Variants in ZNF500 observed in about 807,000 individuals in gnomAD.
ZNF500 encodes zinc finger protein 500, also known as zinc finger protein with KRAB and SCAN domains 18.
ZNF500 carries 31 observed loss-of-function variants against 30.1 expected under a neutral mutation model. That is an observed-to-expected ratio of 1.03 (90% CI 0.77 to 1.39). ZNF500 has a LOEUF of 1.39. Ranked by LOEUF, ZNF500 falls within the 40% of genes most tolerant of loss-of-function variation. The probability of loss-of-function intolerance (pLI) is 0.00; values close to 1 mark genes in which losing one functional copy is unlikely to be tolerated. For synonymous variants in ZNF500, 392 were observed against 282.0 expected (o/e 1.39, Z -3.91); for missense variants, 817 against 657.8 (o/e 1.24, Z -2.65).
At chr16:4,755,276 G>A (rs578248098) in intron 5 of ZNF500, among the ~76,000 whole-genome samples, 14 of 151,888 alleles carry the variant, frequency 9.2e-5, no homozygotes, top group Non-Finnish European at 2.1e-4. Flanking sequence ...ATATAGGCGT[G>A]AGCCACAGCA....
intron 2 of ZNF500, chr16:4,763,744 G>A: frequency 1.0e-6 from 1 of 985,352 alleles, no homozygotes; most frequent in Non-Finnish European, 1.2e-6. Context: ...CACTGAAGCT[G>A]TGGTGGCCAG....
At position 4,749,040 on chromosome 16, in the gene ZNF500, A is replaced by G. The variant is rs2290560; in HGVS notation, c.*3336T>C. ...GGACCCCCACCCGACCCCACTCCCA[A>G]TGATGAGGGGCATTTTCATTGCAAG... On this transcript the variant is annotated 3_prime_UTR_variant, in exon 6 of 6. Coordinates refer to ENST00000219478, the MANE Select transcript of ZNF500 (RefSeq NM_021646.4). 0.58 allele frequency: 88,760 copies of G among 152,304 alleles called. 26,267 individuals are homozygous for G. The highest frequency in any genetic ancestry group is 0.68 in the East Asian group (3,504 of 5,178). The allele number at this position is 152,304 out of a possible 1,614,324, so 9.4% of individuals were successfully genotyped here.
At chr16:4,760,397 G>A in intron 5 of ZNF500, 95 bp downstream of exon 5, 1 of 1,209,328 alleles carries the variant, frequency 8.3e-7, no homozygotes, top group Non-Finnish European at 1.2e-6. Flanking sequence ...ATCGCCCCAG[G>A]CCAACTGGAC....
downstream of ZNF500, chr16:4,747,584 G>A (rs775341138): frequency 1.3e-5 from 21 of 1,610,668 alleles, no homozygotes; most frequent in Non-Finnish European, 1.7e-6. Context: ...TGAGCCAGGG[G>A]CAGCCAGGGA....
chr16:4,761,651 G>A (rs2082202315), intron 4 of ZNF500, among the ~76,000 whole-genome samples: 1 of 151,346 alleles, frequency 6.6e-6, no homozygotes, highest in African/African-American at 2.4e-5. Context: ...TTCAAGACCA[G>A]CCTAGGCAGC....
chr16:4,755,838 C>A (rs957970971), intron 5 of ZNF500, among the ~76,000 whole-genome samples: 1 of 152,162 alleles, frequency 6.6e-6, no homozygotes, highest in Non-Finnish European at 1.5e-5. Flanking sequence ...ATCAACAAAA[C>A]GTGGTCTATC....
downstream of ZNF500, chr16:4,747,180 C>T (rs984834177): frequency 3.2e-5 from 39 of 1,209,292 alleles, no homozygotes; most frequent in Middle Eastern, 2.9e-4. Flanking sequence ...ATCCTGCCCA[C>T]GTCCACTGGG....
Position 4,762,572 on chromosome 16 carries a change from CCT to C in ZNF500, c.597_598del (p.Gly200ProfsTer53), listed in dbSNP as rs1450789766. On this transcript the variant is annotated frameshift_variant and splice_region_variant, in exon 3 of 6. Coordinates refer to ENST00000219478, the MANE Select transcript of ZNF500 (RefSeq NM_021646.4). LOFTEE classifies it high-confidence loss of function. ...CATTCCTCCAAAGGGGTGCTACTCACCTCTCTCTGGCCACAACAGCGGGCCCC... is the reference window on the plus strand; with the variant it reads ...CATTCCTCCAAAGGGGTGCTACTCACCTCTCTGGCCACAACAGCGGGCCCC... 2.5e-6 allele frequency: 4 copies of C among 1,610,924 alleles called. No homozygotes were observed. Among genetic ancestry groups the C allele is most frequent in the Middle Eastern group, 3.3e-4 (2 of 5,998 alleles).
At chr16:4,763,763 C>A (rs2082233349) in intron 2 of ZNF500, 1 of 985,308 alleles carries the variant, frequency 1.0e-6, no homozygotes, top group African/African-American at 1.7e-5. Flanking sequence ...AGGAAAGAGG[C>A]TGGCCGGCTG....
chr16:4,762,229 G>T (rs770596932), intron 4 of ZNF500, 42 bp downstream of exon 4: 2 of 1,599,154 alleles, frequency 1.3e-6, no homozygotes, highest in Non-Finnish European at 1.7e-6. Context: ...AGGAGGTCGG[G>T]CCAGACCCCA....
rs1322196044 is a variant in ZNF500, at chr16:4,749,135, C to G, written c.*3241G>C. The G allele has an allele frequency of 6.5e-6, 1 of 153,262 alleles. No individual in the cohort carries two copies. Among genetic ancestry groups the G allele is most frequent in the Non-Finnish European group, 1.5e-5 (1 of 68,320 alleles). 9.5% of individuals were successfully genotyped at this position (153,262 alleles called of 1,614,324 possible). A position where few individuals can be genotyped will look rare whatever the true frequency, so the allele number is the denominator to read the frequency against. On this transcript the variant is annotated 3_prime_UTR_variant, in exon 6 of 6. Coordinates refer to ENST00000219478, the MANE Select transcript of ZNF500 (RefSeq NM_021646.4). ...TGTAGGGCACAAGGCCAGGCTGCCT[C>G]CCAGCCCCCAGGCCCTCTCCCACCT...
At position 4,752,637 on chromosome 16, in the gene ZNF500, G is replaced by A. The variant is rs1221485623; in HGVS notation, c.1182C>T (p.Ser394=). ...GTGTCCTGCGGTGGATGACCAGGCT[G>A]GAGCTCTGGCTGAAGCGCTTCCCAC... is the stretch of plus-strand genomic sequence containing the variant. ...PECGKRFSQS[S]SLVIHRRTHS... is the part of the protein sequence containing the mutation. Residue 394 remains serine, a synonymous_variant, in exon 6 of 6, where the codon TCC becomes TCT. Coordinates refer to ENST00000219478, the MANE Select transcript of ZNF500 (RefSeq NM_021646.4). 6.2e-7 allele frequency: 1 copy of A among 1,611,492 alleles called. No individual in the cohort carries two copies. Among genetic ancestry groups the A allele is most frequent in the South Asian group, 1.1e-5 (1 of 90,898 alleles).
chr16:4,761,005 G>A (rs1441336382), intron 4 of ZNF500, among the ~76,000 whole-genome samples: 1 of 152,124 alleles, frequency 6.6e-6, no homozygotes, highest in Non-Finnish European at 1.5e-5. Flanking sequence ...CCGGAAGCAT[G>A]ATTAAAAAAA....
chr16:4,756,499 A>AC (rs1167044098), intron 5 of ZNF500: 1 of 151,724 alleles, frequency 6.6e-6, no homozygotes, highest in African/African-American at 2.4e-5. Flanking sequence ...AGAAAAAAAA[A>AC]TGTTTTTGAG....
At chr16:4,747,656 G>A, downstream of ZNF500, 2 of 1,574,434 alleles carry the variant, frequency 1.3e-6, no homozygotes, top group East Asian at 2.3e-5. Context: ...CCAGGAGTGG[G>A]CAGGGGCGGG....
rs1001570757 is a variant in ZNF500, at chr16:4,751,964, T to C, written c.*412A>G. ...GTACACACAGAGACAGCGCACAGGG[T>C]CACAGACACACAGGAGAGGGGTTGG... On this transcript the variant is annotated 3_prime_UTR_variant, in exon 6 of 6. Coordinates refer to ENST00000219478, the MANE Select transcript of ZNF500 (RefSeq NM_021646.4). The C allele has an allele frequency of 6.4e-6, 5 of 775,852 alleles. No homozygotes were observed. The highest frequency in any genetic ancestry group is 4.0e-5 in the Admixed American group (1 of 25,190). 48.1% of individuals were successfully genotyped at this position (775,852 alleles called of 1,614,324 possible). A position where few individuals can be genotyped will look rare whatever the true frequency, so the allele number is the denominator to read the frequency against.
At position 4,750,067 on chromosome 16, in the gene ZNF500, AG is replaced by A. The variant is rs1237737730; in HGVS notation, c.*2308del. ...GGGCAGACCCCAACCACACTCCCCC[AG>A]AGGCCGCCACCTCCAGCACAGGCCT... On this transcript the variant is annotated 3_prime_UTR_variant, in exon 6 of 6. Transcript: ENST00000219478. 1 of 152,494 alleles carries A rather than the reference AG, an allele frequency of 6.6e-6. No individual in the cohort carries two copies. The highest frequency in any genetic ancestry group is 1.5e-5 in the Non-Finnish European group (1 of 68,302). 9.4% of individuals were successfully genotyped at this position (152,494 alleles called of 1,614,324 possible).
Position 4,752,708 on chromosome 16 carries a change from G to C in ZNF500, c.1111C>G (p.His371Asp). 2 of 1,614,204 alleles carry C rather than the reference G, an allele frequency of 1.2e-6. No individual in the cohort carries two copies. Among genetic ancestry groups the C allele is most frequent in the East Asian group, 4.5e-5 (2 of 44,886 alleles). The change falls in exon 6 of 6, where the codon CAC (histidine) becomes GAC (aspartate). Residue 371 changes from histidine to aspartate, a missense_variant. His to Asp is a moderately conservative substitution (Grantham distance 81). Transcript: ENST00000219478. ...TTCTCGCCTGTGTGCACCCTCTGGT[G>C]CGTGCTGAAGTTGGAGCGGTCGCTA... ...GFSDRSNFST[H>D]QRVHTGEKPY...
At chr16:4,756,128 T>G (rs982391291) in intron 5 of ZNF500, among the ~76,000 whole-genome samples, 3 of 152,180 alleles carry the variant, frequency 2.0e-5, no homozygotes, top group Admixed American at 1.3e-4. Context: ...CCAGGCCTGA[T>G]AGCTCACGCC....
Sources: gnomAD v4.1 joint callset for allele counts (sites outside exome capture counted in the v4.1 genomes callset) on GRCh38, gnomAD v4.1.1 for gene constraint, MANE v1.5 for transcripts, NCBI Gene and HGNC (gene_info 2026-07-23, HGNC 2026-07-21) for gene names.